Variants in SRSF11 observed in about 807,000 individuals in gnomAD.
The protein encoded by SRSF11 is serine/arginine-rich splicing factor 11.
A neutral mutation model predicts 56.0 loss-of-function variants in SRSF11; 9 were observed. The ratio of observed to expected loss-of-function variants is 0.16; its 90% confidence interval spans 0.10 to 0.28. SRSF11 has a LOEUF of 0.28. SRSF11 is among the 10% of genes least tolerant of loss of function. The probability of loss-of-function intolerance (pLI) is 1.00; values close to 1 mark genes in which losing one functional copy is unlikely to be tolerated. For missense variants in SRSF11, 421 were observed against 600.7 expected (o/e 0.70, Z 3.13); for synonymous variants, 222 against 215.3 (o/e 1.03, Z -0.27).
chr1:70,209,801 A>G (rs1356727819), intron 1 of SRSF11, among the ~76,000 whole-genome samples: 1 of 90,522 alleles, frequency 1.1e-5, no homozygotes, highest in African/African-American at 4.5e-5. Context: ...GTTTTGCCAT[A>G]TTGCCCAGGC....
In SRSF11 at chr1:70,250,314, C is replaced by T. The variant is rs766591055; in HGVS notation, c.1119-51C>T. 3.6e-5 allele frequency: 58 copies of T among 1,595,598 alleles called. No individual in the cohort carries two copies. The South Asian group carries it at 3.8e-4, about 10-fold the overall frequency. On this transcript the variant is annotated intron_variant, in intron 10 of 11. Coordinates refer to ENST00000370949, the MANE Select transcript of SRSF11 (RefSeq NM_001350605.2). ...ATATCCTGTGAAATTGAGTCAGGCT[C>T]ATCATCTAAACAAGTTAAACCTGTT... is the stretch of plus-strand genomic sequence containing the variant.
intron 2 of SRSF11, chr1:70,230,361 G>T: frequency 9.3e-7 from 1 of 1,071,122 alleles, no homozygotes; most frequent in Non-Finnish European, 1.1e-6. Context: ...TTACACTTCG[G>T]TGTTAGCTCT....
At chr1:70,205,933 T>C (rs1471448420) in intron 1 of SRSF11, among the ~76,000 whole-genome samples, 1 of 152,224 alleles carries the variant, frequency 6.6e-6, no homozygotes, top group Non-Finnish European at 1.5e-5. Context: ...AACGTGGGCC[T>C]TGACTAAAAC....
In SRSF11 at chr1:70,252,869, A is replaced by G. The variant is rs1218077200; in HGVS notation, c.*2064A>G. On this transcript the variant is annotated 3_prime_UTR_variant, in exon 12 of 12. Transcript: ENST00000370949. ...GTGCCACTGACAAGATGCTACAGTGAAGATTATCCATTCTTAGGATATTTA... is the reference window on the plus strand; with the variant it reads ...GTGCCACTGACAAGATGCTACAGTGGAGATTATCCATTCTTAGGATATTTA... 6.6e-6 allele frequency: 1 copy of G among 152,216 alleles called. No homozygotes were observed. Among genetic ancestry groups the G allele is most frequent in the African/African-American group, 2.4e-5 (1 of 41,452 alleles). The allele number at this position is 152,216 out of a possible 1,614,324, so 9.4% of individuals were successfully genotyped here. A position where few individuals can be genotyped will look rare whatever the true frequency, so the allele number is the denominator to read the frequency against.
chr1:70,236,305 A>G (rs915074439), intron 5 of SRSF11, among the ~76,000 whole-genome samples: 1 of 142,946 alleles, frequency 7.0e-6, no homozygotes, highest in Admixed American at 6.9e-5. Context: ...GTTGTCTATA[A>G]TTTTTTTTTC....
At chr1:70,217,463 T>C (rs1438421445), upstream of SRSF11, among the ~76,000 whole-genome samples, 1 of 152,128 alleles carries the variant, frequency 6.6e-6, no homozygotes, top group African/African-American at 2.4e-5. Context: ...GGCTGTGTTG[T>C]TTTTTTATTG....
intron 7 of SRSF11, among the ~76,000 whole-genome samples, chr1:70,240,086 G>A (rs1448350611): frequency 2.4e-4 from 37 of 152,122 alleles, no homozygotes; most frequent in Non-Finnish European, 5.9e-5. Flanking sequence ...TGAAAAAGCA[G>A]TTAGTTCAGC....
intron 1 of SRSF11, among the ~76,000 whole-genome samples, chr1:70,223,932 T>A (rs1268015882): frequency 1.3e-5 from 2 of 152,204 alleles, no homozygotes; most frequent in Non-Finnish European, 2.9e-5. Flanking sequence ...GTTGGCCTTC[T>A]TCATCTCTGG....
At chr1:70,212,678 TTTAAC>T in intron 1 of SRSF11, among the ~76,000 whole-genome samples, 1 of 152,354 alleles carries the variant, frequency 6.6e-6, no homozygotes, top group Non-Finnish European at 1.5e-5. Context: ...AATTCATATC[TTTAAC>T]TTAACTGTTT....
intron 5 of SRSF11, 68 bp from the exon 6 acceptor site, chr1:70,237,357 A>C (rs1271450895): frequency 6.3e-7 from 1 of 1,583,336 alleles, no homozygotes; most frequent in Non-Finnish European, 8.6e-7. Context: ...TATATACTTA[A>C]GTATTTATTT....
intron 1 of SRSF11, among the ~76,000 whole-genome samples, chr1:70,226,245 G>A (rs915524033): frequency 3.3e-5 from 5 of 152,070 alleles, no homozygotes; most frequent in African/African-American, 1.2e-4. Context: ...TGTGGGCCCA[G>A]ATACCATCAA....
intron 8 of SRSF11, 68 bp downstream of exon 8, chr1:70,244,883 C>A (rs1676379410): frequency 8.7e-6 from 13 of 1,486,278 alleles, no homozygotes; most frequent in Non-Finnish European, 1.1e-5. Context: ...TACTTAGTAA[C>A]AAAAGAGGTG....
chr1:70,217,597 A>AT (rs1670131521), upstream of SRSF11, among the ~76,000 whole-genome samples: 1 of 152,160 alleles, frequency 6.6e-6, no homozygotes, highest in Non-Finnish European at 1.5e-5. Flanking sequence ...ATTTGAAGAA[A>AT]TTTGTGAGTT....
chr1:70,233,549 G>A (rs1673305929), intron 3 of SRSF11, among the ~76,000 whole-genome samples: 1 of 152,142 alleles, frequency 6.6e-6, no homozygotes, highest in African/African-American at 2.4e-5. Flanking sequence ...CCAGATCTGG[G>A]TAATTTTCTA....
chr1:70,235,365 T>A (rs1673735082), intron 4 of SRSF11, 136 bp from the exon 5 acceptor site: 1 of 701,696 alleles, frequency 1.4e-6, no homozygotes, highest in Non-Finnish European at 2.3e-6. Flanking sequence ...TTTTCTTTTT[T>A]AATGTGGCTA....
chr1:70,209,099 A>G (rs1473852172), intron 1 of SRSF11, among the ~76,000 whole-genome samples: 3 of 152,230 alleles, frequency 2.0e-5, no homozygotes, highest in African/African-American at 4.8e-5. Flanking sequence ...AAATGAAGAA[A>G]CCAAATTTAT....
chr1:70,227,327 T>C (rs917923909), intron 1 of SRSF11, among the ~76,000 whole-genome samples: 2 of 152,194 alleles, frequency 1.3e-5, no homozygotes, highest in Non-Finnish European at 2.9e-5. Context: ...TCCTTTTCAT[T>C]AATGAGTCCT....
chr1:70,240,018 T>G (rs182287331), intron 7 of SRSF11, among the ~76,000 whole-genome samples: 1 of 152,352 alleles, frequency 6.6e-6, no homozygotes, highest in East Asian at 1.9e-4. Context: ...TTCAAAAAAT[T>G]GTCTGCCAAA....
chr1:70,241,322 A>G (rs1675335150), intron 7 of SRSF11, among the ~76,000 whole-genome samples: 1 of 152,138 alleles, frequency 6.6e-6, no homozygotes, highest in Non-Finnish European at 1.5e-5. Flanking sequence ...TGTCTCAGAG[A>G]TGATCTTTTC....
Sources: gnomAD v4.1 joint callset for allele counts (sites outside exome capture counted in the v4.1 genomes callset) on GRCh38, gnomAD v4.1.1 for gene constraint, MANE v1.5 for transcripts, NCBI Gene and HGNC (gene_info 2026-07-23, HGNC 2026-07-21) for gene names.